LRBA: variants seen among roughly 807,000 people sequenced by gnomAD.
LRBA encodes lipopolysaccharide-responsive and beige-like anchor protein.
In LRBA, 176 loss-of-function variants were observed where a neutral mutation model predicts 330.0. That is an observed-to-expected ratio of 0.53 (90% CI 0.47 to 0.60). LRBA has a LOEUF of 0.60. LRBA is among the 20% of genes least tolerant of loss of function. The pLI, the probability that LRBA is intolerant of heterozygous loss-of-function variation, is 0.00. For synonymous variants in LRBA, 1,230 were observed against 1,193.0 expected, an observed-to-expected ratio of 1.03 and a Z score of -0.64; for missense variants, 3,259 against 3,444.8, an observed-to-expected ratio of 0.95 and a Z score of 1.35.
chr4:150,711,920 A>C (rs1286546177), intron 36 of LRBA, among the ~76,000 whole-genome samples: 1 of 152,204 alleles, frequency 6.6e-6, no homozygotes, highest in Non-Finnish European at 1.5e-5. Flanking sequence ...TCTGAATTCA[A>C]AAGTTTACTC....
At chr4:150,961,346 C>T (rs751966458) in intron 2 of LRBA, among the ~76,000 whole-genome samples, 1 of 149,128 alleles carries the variant, frequency 6.7e-6, no homozygotes, top group Non-Finnish European at 1.5e-5. Context: ...CCCAAGAGAT[C>T]TTAAAATGCT....
intron 36 of LRBA, among the ~76,000 whole-genome samples, chr4:150,689,103 T>C (rs892839783): frequency 1.3e-5 from 2 of 152,166 alleles, no homozygotes; most frequent in East Asian, 1.9e-4. Context: ...ATGTGACACA[T>C]ATACTCCACG....
At chr4:150,316,824 G>A (rs1235265267) in intron 50 of LRBA, among the ~76,000 whole-genome samples, 1 of 152,102 alleles carries the variant, frequency 6.6e-6, no homozygotes, top group African/African-American at 2.4e-5. Flanking sequence ...AGGGGAGTGT[G>A]GGTGTACTCA....
Position 150,436,787 on chromosome 4 carries a change from T to C in LRBA, c.6858A>G (p.Pro2286=), listed in dbSNP as rs758465170. The C allele has an allele frequency of 1.9e-6, 3 of 1,613,708 alleles. No individual in the cohort carries two copies. Among genetic ancestry groups the C allele is most frequent in the South Asian group, 1.1e-5 (1 of 91,054 alleles). ...RYESWEDDQV[P]KFHYGTHYST... ...AGTAATGAGTACCATAGTGAAACTT[T>C]GGAACTTGATCATCTTCCCATGATT... Residue 2286 remains proline, a synonymous_variant, in exon 45 of 57, where the codon CCA becomes CCG. Coordinates refer to ENST00000651943, the MANE Select transcript of LRBA (RefSeq NM_001364905.1).
In LRBA at chr4:150,908,804, T is replaced by C; in HGVS notation, c.1215A>G (p.Lys405=). ...ESDLFLAEHH[K]LLLYDGKLSS... ...AGAGTTTCCCATCGTACAATAAAAG[T>C]TTGTGATGCTCAGCAAGGAAAAGGT... The change falls in exon 10 of 57, where the codon AAA becomes AAG. Residue 405 remains lysine, a synonymous_variant. Transcript: ENST00000651943. 6.2e-7 allele frequency: 1 copy of C among 1,613,830 alleles called. No individual in the cohort carries two copies.
chr4:150,457,710 A>G (rs575901191), intron 44 of LRBA, among the ~76,000 whole-genome samples: 7 of 152,054 alleles, frequency 4.6e-5, no homozygotes, highest in African/African-American at 7.2e-5. Flanking sequence ...TACTAATTAA[A>G]CTTAAAAAAA....
At chr4:150,427,477 C>T (rs183984820) in intron 46 of LRBA, among the ~76,000 whole-genome samples, 91 of 151,902 alleles carry the variant, frequency 6.0e-4, no homozygotes, top group East Asian at 3.9e-4. Context: ...ATTAACAAAT[C>T]GCAAGTTATC....
intron 9 of LRBA, among the ~76,000 whole-genome samples, chr4:150,909,104 C>T (rs1221677172): frequency 2.0e-5 from 3 of 152,198 alleles, no homozygotes; most frequent in African/African-American, 2.4e-5. Context: ...TATCTTTTTT[C>T]GTATATTCTT....
At chr4:150,674,030 T>G (rs1381578323) in intron 37 of LRBA, among the ~76,000 whole-genome samples, 1 of 152,114 alleles carries the variant, frequency 6.6e-6, no homozygotes, top group East Asian at 1.9e-4. Flanking sequence ...GGGGAGTGAT[T>G]TTCATATTGT....
At chr4:151,014,196 G>A in intron 2 of LRBA, 1 of 448,430 alleles carries the variant, frequency 2.2e-6, no homozygotes, top group Non-Finnish European at 4.0e-6. Flanking sequence ...TATTTCCTTA[G>A]CACAAAAGTG....
At chr4:150,499,509 A>G (rs902973047) in intron 40 of LRBA, among the ~76,000 whole-genome samples, 1 of 152,070 alleles carries the variant, frequency 6.6e-6, no homozygotes, top group Non-Finnish European at 1.5e-5. Flanking sequence ...CTGAGGTGGC[A>G]TGTGCCTGTA....
At chr4:150,362,024 G>A (rs572857744) in intron 47 of LRBA, among the ~76,000 whole-genome samples, 10 of 152,062 alleles carry the variant, frequency 6.6e-5, no homozygotes, top group African/African-American at 1.9e-4. Context: ...TGCCCGCCTC[G>A]GCCTCCCAAA....
At chr4:150,371,295 C>G (rs546436329) in intron 47 of LRBA, among the ~76,000 whole-genome samples, 1 of 146,756 alleles carries the variant, frequency 6.8e-6, no homozygotes, top group Non-Finnish European at 1.5e-5. Flanking sequence ...TGGGTTCAAG[C>G]GATTCTCCTG....
chr4:150,493,377 T>A (rs1487607440), intron 40 of LRBA, among the ~76,000 whole-genome samples: 1 of 152,226 alleles, frequency 6.6e-6, no homozygotes, highest in Non-Finnish European at 1.5e-5. Context: ...AGGCTTTGAA[T>A]ATACCCTACT....
chr4:150,737,983 C>CTTTTT (rs774453122), intron 35 of LRBA, among the ~76,000 whole-genome samples: 26 of 112,156 alleles, frequency 2.3e-4, no homozygotes, highest in African/African-American at 3.2e-4. Flanking sequence ...TTCTCTGAAT[C>CTTTTT]TTTTTTTTTT....
chr4:150,559,434 G>A (rs1400855994), intron 40 of LRBA, among the ~76,000 whole-genome samples: 1 of 149,184 alleles, frequency 6.7e-6, no homozygotes, highest in East Asian at 2.0e-4. Flanking sequence ...GGTGGTGCAT[G>A]CTGGTAGTCC....
Position 150,872,768 on chromosome 4 carries a change from A to C in LRBA, c.2166-13T>G. ...TTTGTAGATAACACTGAATGAATAA[A>C]AATTTAAAACAAACTATTTTGAGTA... is the stretch of plus-strand genomic sequence containing the variant. On this transcript the variant is annotated splice_polypyrimidine_tract_variant and intron_variant, in intron 17 of 56. Coordinates refer to ENST00000651943, the MANE Select transcript of LRBA (RefSeq NM_001364905.1). 7.0e-7 allele frequency: 1 copy of C among 1,419,668 alleles called. No homozygotes were observed. Among genetic ancestry groups the C allele is most frequent in the Non-Finnish European group, 9.8e-7 (1 of 1,018,248 alleles). 87.9% of individuals were successfully genotyped at this position (1,419,668 alleles called of 1,614,324 possible).
intron 53 of LRBA, among the ~76,000 whole-genome samples, chr4:150,301,319 G>A (rs1729646469): frequency 3.9e-5 from 6 of 151,950 alleles, no homozygotes; most frequent in Admixed American, 3.9e-4. Context: ...TGAAATACAT[G>A]TACACCTACT....
At chr4:150,347,972 T>C (rs1220729835) in intron 48 of LRBA, among the ~76,000 whole-genome samples, 1 of 152,208 alleles carries the variant, frequency 6.6e-6, no homozygotes, top group Non-Finnish European at 1.5e-5. Flanking sequence ...CTGTGCCTAT[T>C]TAAATTTATA....
Sources: gnomAD v4.1 joint callset for allele counts (sites outside exome capture counted in the v4.1 genomes callset) on GRCh38, gnomAD v4.1.1 for gene constraint, MANE v1.5 for transcripts, NCBI Gene and HGNC (gene_info 2026-07-23, HGNC 2026-07-21) for gene names.